Variants in DPP6 observed in about 807,000 individuals in gnomAD.
DPP6 encodes the protein dipeptidyl peptidase like 6.
Under a neutral mutation model 122.6 loss-of-function variants are expected in DPP6, and 69 were observed. That is an observed-to-expected ratio of 0.56 (90% CI 0.46 to 0.69). The LOEUF is 0.69. Among genes scored for constraint, DPP6 ranks in the 30% least tolerant of loss-of-function variants. The pLI is 0.00. For synonymous variants in DPP6, 418 were observed against 433.1 expected, an observed-to-expected ratio of 0.97 and a Z score of 0.43; for missense variants, 928 against 1,116.9, an observed-to-expected ratio of 0.83 and a Z score of 2.41.
chr7:154,825,096 T>C (rs1399317673), intron 16 of DPP6, among the ~76,000 whole-genome samples: 1 of 152,230 alleles, frequency 6.6e-6, no homozygotes, highest in Admixed American at 6.5e-5. Flanking sequence ...CCACATCTGG[T>C]CCGCAGGTGA....
intron 21 of DPP6, chr7:154,884,908 C>A (rs56895940): frequency 0.055 from 8,385 of 152,510 alleles, 536 homozygotes; most frequent in Admixed American, 0.17. Context: ...ACACACACAC[C>A]CCCATATACT....
intron 6 of DPP6, among the ~76,000 whole-genome samples, chr7:154,662,051 G>T (rs1407549744): frequency 1.3e-5 from 2 of 150,854 alleles, no homozygotes; most frequent in Non-Finnish European, 3.0e-5. Flanking sequence ...TATAGTCATG[G>T]TGAATCACCA....
chr7:153,870,863 C>T, the DPP6 span, among the ~76,000 whole-genome samples: 3 of 152,328 alleles, frequency 2.0e-5, no homozygotes, highest in Admixed American at 6.5e-5. Context: ...AGTTTTCGTT[C>T]TAACAGACAG....
chr7:154,723,990 A>G (rs1189878987), intron 7 of DPP6, among the ~76,000 whole-genome samples: 1 of 152,174 alleles, frequency 6.6e-6, no homozygotes, highest in Non-Finnish European at 1.5e-5. Flanking sequence ...ATTGTGTAGG[A>G]CAATTTATAG....
chr7:154,303,192 T>C (rs1269690763), intron 1 of DPP6, among the ~76,000 whole-genome samples: 2 of 152,316 alleles, frequency 1.3e-5, no homozygotes, highest in African/African-American at 4.8e-5. Flanking sequence ...GACAGGGTGA[T>C]CTGAGGTCCT....
chr7:154,720,855 C>T (rs1043300568), intron 7 of DPP6, among the ~76,000 whole-genome samples: 1 of 152,176 alleles, frequency 6.6e-6, no homozygotes, highest in African/African-American at 2.4e-5. Context: ...GGGTCTCCTG[C>T]CAGTGTGGGC....
chr7:154,749,208 G>T (rs13244910), intron 8 of DPP6, among the ~76,000 whole-genome samples: 1 of 126,322 alleles, frequency 7.9e-6, no homozygotes, highest in African/African-American at 3.1e-5. Context: ...ACTGAGAGAG[G>T]GTGAGGGAGC....
At chr7:154,059,984 C>T (rs373033797) in intron 1 of DPP6, among the ~76,000 whole-genome samples, 2 of 152,080 alleles carry the variant, frequency 1.3e-5, no homozygotes, top group Non-Finnish European at 2.9e-5. Context: ...TCCCCTCTTC[C>T]CCCCTGGCTG....
chr7:154,503,961 A>C (rs12703360), intron 3 of DPP6, among the ~76,000 whole-genome samples: 1 of 152,044 alleles, frequency 6.6e-6, no homozygotes, highest in Non-Finnish European at 1.5e-5. Context: ...TTAAAAGTTG[A>C]TGAAAAAAAA....
intron 1 of DPP6, among the ~76,000 whole-genome samples, chr7:153,993,674 G>A (rs985346320): frequency 5.3e-5 from 8 of 152,170 alleles, no homozygotes; most frequent in Non-Finnish European, 7.3e-5. Flanking sequence ...ATGGGTGTGA[G>A]TTCTGGTTCC....
chr7:154,061,717 C>T (rs1362244351), intron 1 of DPP6, among the ~76,000 whole-genome samples: 3 of 90,320 alleles, frequency 3.3e-5, no homozygotes, highest in African/African-American at 8.1e-5. Context: ...GCAATCCCCG[C>T]GAGGCGGGGA....
chr7:153,790,935 G>A, the DPP6 span, among the ~76,000 whole-genome samples: 8 of 152,200 alleles, frequency 5.3e-5, no homozygotes, highest in Non-Finnish European at 1.2e-4. Context: ...TCATTTCTAC[G>A]GAGCAACTAG....
intron 1 of DPP6, among the ~76,000 whole-genome samples, chr7:153,918,581 TCTCTCTCTCTCTCTCTCTCTCTCTC>T (rs1800478240): frequency 1.5e-4 from 7 of 48,036 alleles, no homozygotes; most frequent in South Asian, 2.2e-3. Flanking sequence ...TCTCTCTCTC[TCTCTCTCTCTCTCTCTCTCTCTCTC>T]TCTCTCTCTC....
intron 1 of DPP6, among the ~76,000 whole-genome samples, chr7:154,423,973 A>G (rs1314471134): frequency 6.6e-6 from 1 of 152,212 alleles, no homozygotes; most frequent in African/African-American, 2.4e-5. Context: ...CTTTGTTTTC[A>G]ATGTTCCTCC....
intron 1 of DPP6, among the ~76,000 whole-genome samples, chr7:154,010,400 T>G (rs1229739779): frequency 1.3e-5 from 2 of 152,254 alleles, no homozygotes; most frequent in African/African-American, 2.4e-5. Flanking sequence ...CAGACCACTA[T>G]TCAGTTGTCA....
At chr7:154,076,919 G>A (rs1458852433) in intron 1 of DPP6, among the ~76,000 whole-genome samples, 2 of 151,840 alleles carry the variant, frequency 1.3e-5, no homozygotes, top group African/African-American at 2.4e-5. Flanking sequence ...ATAAGATCCT[G>A]GGGGCAGTGT....
intron 1 of DPP6, among the ~76,000 whole-genome samples, chr7:154,167,416 C>T (rs968596817): frequency 1.3e-5 from 2 of 152,230 alleles, no homozygotes; most frequent in Admixed American, 6.5e-5. Context: ...TGAGCAAAGC[C>T]ATGTTCAGAA....
In DPP6 at chr7:154,876,691, C is replaced by T. The variant is rs544123816; in HGVS notation, c.2078+591C>T. Reference sequence around the variant, plus strand: ...CAAAAGGAGGCTTAGCACCAAGGGGCAGATGCTCCAAATGACTTATTGAAT... The same window carrying T: ...CAAAAGGAGGCTTAGCACCAAGGGGTAGATGCTCCAAATGACTTATTGAAT... On this transcript the variant is annotated intron_variant, in intron 20 of 25. Coordinates refer to ENST00000377770, the MANE Select transcript of DPP6 (RefSeq NM_130797.4). Among the ~76,000 whole-genome samples, 142 of 152,326 alleles carry T rather than the reference C, an allele frequency of 9.3e-4. 1 individual carries two copies. The Middle Eastern group carries it at 0.01, about 11-fold the overall frequency.
At chr7:154,474,229 C>G (rs991946746) in intron 2 of DPP6, among the ~76,000 whole-genome samples, 1 of 152,188 alleles carries the variant, frequency 6.6e-6, no homozygotes, top group African/African-American at 2.4e-5. Context: ...GCTTTGATCT[C>G]TGGAAATACA....
Sources: allele counts gnomAD v4.1 joint callset (sites outside exome capture counted in the v4.1 genomes callset), GRCh38; gene constraint gnomAD v4.1.1; transcripts MANE v1.5; gene names NCBI Gene and HGNC (gene_info 2026-07-23, HGNC 2026-07-21).